CACNA1C: variants seen among roughly 807,000 people sequenced by gnomAD.
The protein encoded by CACNA1C is voltage-dependent L-type calcium channel subunit alpha-1C.
CACNA1C carries 30 observed loss-of-function variants against 229.0 expected under a neutral mutation model. The ratio of observed to expected loss-of-function variants is 0.13; its 90% confidence interval spans 0.10 to 0.18. The LOEUF is 0.18. CACNA1C is among the 10% of genes least tolerant of loss of function. The pLI, the probability that CACNA1C is intolerant of heterozygous loss-of-function variation, is 1.00. For missense variants in CACNA1C, 1,658 were observed against 2,845.0 expected (o/e 0.58, Z 9.49); for synonymous variants, 1,114 against 1,132.5 (o/e 0.98, Z 0.33).
intron 1 of CACNA1C, among the ~76,000 whole-genome samples, chr12:1,990,679 T>C (rs2039140803): frequency 6.6e-6 from 1 of 152,148 alleles, no homozygotes; most frequent in Non-Finnish European, 1.5e-5. Context: ...GACAGAGAGA[T>C]TCTTGACTAT....
At chr12:2,501,325 C>T (rs1205090599) in intron 7 of CACNA1C, among the ~76,000 whole-genome samples, 1 of 151,454 alleles carries the variant, frequency 6.6e-6, no homozygotes, top group African/African-American at 2.4e-5. Context: ...GCTACAAGGA[C>T]ACCCACAGGC....
At chr12:2,002,181 C>T (rs535236175) in intron 1 of CACNA1C, among the ~76,000 whole-genome samples, 2 of 152,262 alleles carry the variant, frequency 1.3e-5, no homozygotes, top group African/African-American at 4.8e-5. Flanking sequence ...ATTTTCAGGG[C>T]AATAAGAATT....
At chr12:2,129,952 AT>A (rs1735165477) in intron 3 of CACNA1C, among the ~76,000 whole-genome samples, 1 of 152,236 alleles carries the variant, frequency 6.6e-6, no homozygotes, top group Non-Finnish European at 1.5e-5. Flanking sequence ...GGGCTTACTT[AT>A]GAATAAAGTG....
intron 3 of CACNA1C, among the ~76,000 whole-genome samples, chr12:2,416,570 G>A (rs2098907057): frequency 6.6e-6 from 1 of 152,194 alleles, no homozygotes; most frequent in African/African-American, 2.4e-5. Flanking sequence ...GTAAGTGGCA[G>A]CACCTGGCTC....
Position 2,602,630 on chromosome 12 carries a change from T to TTTTG in CACNA1C, c.2960+671_2960+672insTTGT, listed in dbSNP as rs1491454867. Among the ~76,000 whole-genome samples, 3 of 140,796 alleles carry TTTTG rather than the reference T, an allele frequency of 2.1e-5. No individual in the cohort carries two copies. The highest frequency in any genetic ancestry group is 8.3e-5 in the African/African-American group (3 of 36,120). The allele number at this position is 140,796 out of a possible 152,430, so 92.4% of individuals were successfully genotyped here. On this transcript the variant is annotated intron_variant, in intron 22 of 46. Transcript: ENST00000399655. The surrounding 1 kb of genome is among the most constrained non-coding windows in gnomAD (Gnocchi z 4.4). Reference sequence around the variant, plus strand: ...GTGTGTGACTGTGTATATTTGTGTCTTGTGTGTGTGTGTGTGTGTGTGTGT... The same window carrying TTTTG: ...GTGTGTGACTGTGTATATTTGTGTCTTTTGTGTGTGTGTGTGTGTGTGTGTGTGT...
At chr12:2,513,175 T>G (rs1465154657) in intron 9 of CACNA1C, among the ~76,000 whole-genome samples, 191 bp downstream of exon 9, 1 of 152,234 alleles carries the variant, frequency 6.6e-6, no homozygotes, top group African/African-American at 2.4e-5. Context: ...AAATCATAGC[T>G]GTCGATCTAG....
At chr12:2,147,595 G>T (rs147969510) in intron 3 of CACNA1C, among the ~76,000 whole-genome samples, 28 of 151,338 alleles carry the variant, frequency 1.9e-4, no homozygotes, top group Middle Eastern at 3.4e-3. Flanking sequence ...AGAGTGGAGA[G>T]AGTAAAGATT....
rs547845075 is a variant in CACNA1C at position 2,013,275 on chromosome 12, T to C, written c.139+42074T>C. On this transcript the variant is annotated intron_variant, in intron 1 of 46. Coordinates refer to the CACNA1C transcript ENST00000682462. ...TATAATGCCTGTGACGTGTTTAGAA[T>C]ATAAAGTGCCTGCCTGGTATGAAGC... is the stretch of plus-strand genomic sequence containing the variant. 5.4e-4 allele frequency among the ~76,000 whole-genome samples: 82 copies of C among 152,290 alleles called. 2 individuals carry two copies. In the South Asian group the frequency reaches 0.016, roughly 30 times the overall value.
intron 9 of CACNA1C, among the ~76,000 whole-genome samples, chr12:2,545,070 GAGCTTCTTCTCCA>G (rs2099878600): frequency 6.6e-6 from 1 of 152,136 alleles, no homozygotes; most frequent in Admixed American, 6.5e-5. Context: ...AAGTGCTTTG[GAGCTTCTTCTCCA>G]TCCAACCCCT....
At chr12:1,972,650 C>T (rs553407900) in intron 1 of CACNA1C, among the ~76,000 whole-genome samples, 1 of 152,272 alleles carries the variant, frequency 6.6e-6, no homozygotes, top group African/African-American at 2.4e-5. Context: ...CTAAAACATG[C>T]CCTTCTCCCA....
chr12:2,001,778 G>A (rs757399732), intron 1 of CACNA1C, among the ~76,000 whole-genome samples: 2 of 152,088 alleles, frequency 1.3e-5, no homozygotes, highest in Non-Finnish European at 2.9e-5. Flanking sequence ...GGAACACAAC[G>A]TTAGTCACTT....
rs373510320 is a variant in CACNA1C, at chr12:2,463,053, T to C, written c.757+5347T>C. ...TCAGCCTCCCGAGTAGCTGGGACTATAGGCACCCGCCACCACGCCCGGCTA... is the reference window on the plus strand; with the variant it reads ...TCAGCCTCCCGAGTAGCTGGGACTACAGGCACCCGCCACCACGCCCGGCTA... On this transcript the variant is annotated intron_variant, in intron 5 of 46. Transcript: ENST00000399655. 5.2e-3 allele frequency among the ~76,000 whole-genome samples: 787 copies of C among 151,080 alleles called. 7 individuals carry two copies. The highest frequency in any genetic ancestry group is 0.037 in the Middle Eastern group (11 of 294).
chr12:2,625,800 A>G (rs2086135185), intron 29 of CACNA1C, among the ~76,000 whole-genome samples: 1 of 151,270 alleles, frequency 6.6e-6, no homozygotes, highest in African/African-American at 2.4e-5. Flanking sequence ...AAAAAATTCT[A>G]TTTTTAAATT....
At chr12:2,672,025 A>G (rs1343532082) in intron 38 of CACNA1C, 3 of 152,282 alleles carry the variant, frequency 2.0e-5, no homozygotes, top group Non-Finnish European at 2.9e-5. Context: ...GCAACTAGAA[A>G]GAAATGTGAG....
At chr12:2,637,784 C>T (rs1389050850) in intron 30 of CACNA1C, among the ~76,000 whole-genome samples, 1 of 152,216 alleles carries the variant, frequency 6.6e-6, no homozygotes, top group African/African-American at 2.4e-5. Flanking sequence ...GACATATATT[C>T]CCAGGGATAT....
Position 2,462,572 on chromosome 12 carries a change from G to A in CACNA1C, c.757+4866G>A, listed in dbSNP as rs551037712. 2.2e-4 allele frequency among the ~76,000 whole-genome samples: 33 copies of A among 152,272 alleles called. No individual in the cohort carries two copies. In the South Asian group the frequency reaches 5.6e-3, roughly 26 times the overall value. On this transcript the variant is annotated intron_variant, in intron 5 of 46. Coordinates refer to ENST00000399655, the MANE Select transcript of CACNA1C (RefSeq NM_000719.7). ...TGTTCACAGCTGTGTCCTCAGCACC[G>A]ACAATAAAGGTGATAAATATCTGTA...
intron 7 of CACNA1C, among the ~76,000 whole-genome samples, chr12:2,501,567 C>G (rs2099760401): frequency 6.6e-6 from 1 of 152,234 alleles, no homozygotes; most frequent in Non-Finnish European, 1.5e-5. Context: ...TCAAATGGGA[C>G]CTGCAGACCA....
intron 4 of CACNA1C, among the ~76,000 whole-genome samples, chr12:2,451,529 C>G (rs185530234): frequency 6.6e-6 from 1 of 152,038 alleles, no homozygotes; most frequent in Non-Finnish European, 1.5e-5. Context: ...AATCATGAGT[C>G]GGGGGAGCAG....
intron 1 of CACNA1C, among the ~76,000 whole-genome samples, chr12:2,038,223 C>T (rs190240319): frequency 5.3e-5 from 8 of 152,248 alleles, no homozygotes; most frequent in African/African-American, 1.9e-4. Context: ...ATGGATATTG[C>T]ACTCTAAAAT....
Sources: gnomAD v4.1 joint callset for allele counts (sites outside exome capture counted in the v4.1 genomes callset) on GRCh38, gnomAD v4.1.1 for gene constraint, Gnocchi (gnomAD v3.1) non-coding constraint, MANE v1.5 for transcripts, NCBI Gene and HGNC (gene_info 2026-07-23, HGNC 2026-07-21) for gene names.